GPRASP3: variants seen among roughly 807,000 people sequenced by gnomAD.
GPRASP3 encodes the protein G protein-coupled receptor associated sorting protein family member 3.
chrX:102,733,608 A>C, the GPRASP3 span, among the ~76,000 whole-genome samples: 2 of 109,928 alleles, frequency 1.8e-5, no homozygotes, highest in Admixed American at 9.8e-5. Flanking sequence ...AGTTTTCTTG[A>C]ATCTGAAAAA....
chrX:102,749,062 A>T, the GPRASP3 span: 1 of 1,212,153 alleles, frequency 8.2e-7, no homozygotes, highest in Non-Finnish European at 1.1e-6. Flanking sequence ...TATACAAGCT[A>T]AAGCTGGAGC....
the GPRASP3 span, among the ~76,000 whole-genome samples, chrX:102,745,493 G>A: frequency 9.0e-6 from 1 of 111,067 alleles, no homozygotes; most frequent in Non-Finnish European, 1.9e-5. Context: ...AAACGCACAA[G>A]AGGACCACCC....
At chrX:102,732,152 T>A in the GPRASP3 span, among the ~76,000 whole-genome samples, 1 of 110,378 alleles carries the variant, frequency 9.1e-6, no homozygotes, top group Non-Finnish European at 1.9e-5. Context: ...CCTGTAACAT[T>A]CCCCCCTCAA....
the GPRASP3 span, chrX:102,752,646 T>G: frequency 8.1e-6 from 1 of 123,870 alleles, no homozygotes; most frequent in Non-Finnish European, 1.9e-5. Context: ...CTAATAACTT[T>G]ATAGAAATAT....
At chrX:102,730,718 C>A in the GPRASP3 span, among the ~76,000 whole-genome samples, 1 of 111,289 alleles carries the variant, frequency 9.0e-6, no homozygotes, top group Non-Finnish European at 1.9e-5. Context: ...TTCTGTATTC[C>A]TCTGGCTCAC....
At chrX:102,741,190 T>C in the GPRASP3 span, among the ~76,000 whole-genome samples, 1 of 111,850 alleles carries the variant, frequency 8.9e-6, no homozygotes, top group Non-Finnish European at 1.9e-5. Flanking sequence ...GGAAGTTTAT[T>C]TTAAAAGGCT....
At chrX:102,739,970 C>T in the GPRASP3 span, among the ~76,000 whole-genome samples, 4 of 112,326 alleles carry the variant, frequency 3.6e-5, no homozygotes, top group East Asian at 1.1e-3. Context: ...AGCAGACTTT[C>T]ACCCAAGGCA....
chrX:102,750,081 C>T, the GPRASP3 span: 7 of 1,206,065 alleles, frequency 5.8e-6, no homozygotes, highest in Admixed American at 1.1e-4. Context: ...AGTTTATTAA[C>T]GAAGTAGGTG....
chrX:102,749,238 G>T, the GPRASP3 span: 1 of 1,211,523 alleles, frequency 8.3e-7, no homozygotes, highest in Non-Finnish European at 1.1e-6. Flanking sequence ...CTAAGACTCT[G>T]GGCAAAGCCA....
the GPRASP3 span, among the ~76,000 whole-genome samples, chrX:102,744,521 G>T: frequency 8.9e-6 from 1 of 112,055 alleles, no homozygotes; most frequent in African/African-American, 3.2e-5. Flanking sequence ...CTCTTAGTAT[G>T]ACTAGTATCT....
chrX:102,745,119 G>C, the GPRASP3 span, among the ~76,000 whole-genome samples: 2 of 111,104 alleles, frequency 1.8e-5, no homozygotes, highest in East Asian at 5.7e-4. Context: ...TGCGCGAATA[G>C]TGGTCCCCTC....
the GPRASP3 span, among the ~76,000 whole-genome samples, chrX:102,738,856 A>C: frequency 9.0e-6 from 1 of 111,720 alleles, no homozygotes; most frequent in East Asian, 2.8e-4. Flanking sequence ...AGGAAGTCCT[A>C]AGGACATGTA....
At chrX:102,730,092 T>G in the GPRASP3 span, among the ~76,000 whole-genome samples, 1 of 112,173 alleles carries the variant, frequency 8.9e-6, no homozygotes, top group South Asian at 3.7e-4. Context: ...CAATTCACCA[T>G]AATGTAGAAT....
the GPRASP3 span, among the ~76,000 whole-genome samples, chrX:102,729,490 G>A: frequency 8.9e-6 from 1 of 112,037 alleles, no homozygotes; most frequent in Non-Finnish European, 1.9e-5. Flanking sequence ...TAATAATAGT[G>A]GATAACAGTG....
At chrX:102,731,001 A>T in the GPRASP3 span, among the ~76,000 whole-genome samples, 2 of 112,667 alleles carry the variant, frequency 1.8e-5, no homozygotes, top group Admixed American at 1.9e-4. Flanking sequence ...AAGGTATAAC[A>T]TATGCATAGT....
the GPRASP3 span, among the ~76,000 whole-genome samples, chrX:102,744,373 G>A: frequency 4.5e-5 from 5 of 112,081 alleles, no homozygotes; most frequent in African/African-American, 1.6e-4. Flanking sequence ...TATGTCCTTC[G>A]TATTTAAGAC....
At chrX:102,749,843 T>C in the GPRASP3 span, 2 of 1,206,804 alleles carry the variant, frequency 1.7e-6, no homozygotes, top group Admixed American at 4.4e-5. Flanking sequence ...GAGTGTCGTT[T>C]TGATTCTGAC....
chrX:102,725,343 T>C, the GPRASP3 span, among the ~76,000 whole-genome samples: 2 of 111,695 alleles, frequency 1.8e-5, no homozygotes, highest in African/African-American at 6.5e-5. Flanking sequence ...ATGCTGTCCC[T>C]TCAATCTTCA....
the GPRASP3 span, chrX:102,751,599 G>C: frequency 8.1e-6 from 1 of 123,154 alleles, no homozygotes; most frequent in East Asian, 2.8e-4. Flanking sequence ...AGACTGGTTT[G>C]AATGGTTTAA....
Sources: gnomAD v4.1 joint callset for allele counts (sites outside exome capture counted in the v4.1 genomes callset) on GRCh38, gnomAD v4.1.1 for gene constraint, MANE v1.5 for transcripts, NCBI Gene and HGNC (gene_info 2026-07-23, HGNC 2026-07-21) for gene names.